Variants in YTHDC2 observed in about 807,000 individuals in gnomAD.
YTHDC2 encodes the protein YTH N6-methyladenosine RNA binding protein C2.
YTHDC2 carries 45 observed loss-of-function variants against 174.9 expected under a neutral mutation model. The ratio of observed to expected loss-of-function variants is 0.26; its 90% confidence interval spans 0.20 to 0.33. The LOEUF (loss-of-function observed/expected upper bound fraction) is 0.33. YTHDC2 is among the 10% of genes least tolerant of loss of function. YTHDC2 has a pLI of 1.00. For synonymous variants in YTHDC2, 657 were observed against 574.5 expected (o/e 1.14, Z -2.05); for missense variants, 1,650 against 1,723.7 (o/e 0.96, Z 0.76).
intron 2 of YTHDC2, chr5:113,517,633 C>A (rs1363277760): frequency 2.2e-6 from 1 of 456,008 alleles, no homozygotes; most frequent in Non-Finnish European, 4.4e-6. Context: ...TTATCCAGTC[C>A]CTAATACCTA....
chr5:113,520,878 G>A (rs1773817330), intron 2 of YTHDC2, among the ~76,000 whole-genome samples: 1 of 152,150 alleles, frequency 6.6e-6, no homozygotes, highest in Non-Finnish European at 1.5e-5. Flanking sequence ...ATTAATCCTA[G>A]TACCCATTAT....
intron 10 of YTHDC2, among the ~76,000 whole-genome samples, chr5:113,547,899 C>G (rs1180690122): frequency 6.6e-6 from 1 of 151,996 alleles, no homozygotes; most frequent in Admixed American, 6.6e-5. Flanking sequence ...GTAATTTAAG[C>G]AAATTAATGC....
At chr5:113,539,670 A>G (rs1775314495) in intron 8 of YTHDC2, among the ~76,000 whole-genome samples, 1 of 152,160 alleles carries the variant, frequency 6.6e-6, no homozygotes, top group Admixed American at 6.5e-5. Flanking sequence ...TCAGCTTTTG[A>G]ATTAGGGTTC....
chr5:113,579,861 G>T lies in YTHDC2; in HGVS notation c.3354+166G>T, dbSNP rs117824167. ...CTCATTCATTCTCTTCTGTATTGGG[G>T]TTTATTCCAACAGAGGACTTGGAAA... On this transcript the variant is annotated intron_variant, in intron 24 of 29. Transcript: ENST00000161863. The T allele has an allele frequency of 2.0e-3, 2,010 of 985,302 alleles. 10 individuals are homozygous for T. Among genetic ancestry groups the T allele is most frequent in the Middle Eastern group, 0.018 (34 of 1,914 alleles). 61.0% of individuals were successfully genotyped at this position (985,302 alleles called of 1,614,324 possible).
rs1431925363 is a variant in YTHDC2, at chr5:113,593,692, A to G, written c.*218A>G. 3 of 185,546 alleles carry G rather than the reference A, an allele frequency of 1.6e-5. No homozygotes were observed. Among genetic ancestry groups the G allele is most frequent in the Non-Finnish European group, 3.3e-5 (3 of 90,156 alleles). The allele number at this position is 185,546 out of a possible 1,614,324, so 11.5% of individuals were successfully genotyped here. On this transcript the variant is annotated 3_prime_UTR_variant, in exon 30 of 30. Transcript: ENST00000161863. ...GATTATATGATGTTTGTAATGAATAAAATAGTAGTTTCATTATTTGGCACA... is the reference window on the plus strand; with the variant it reads ...GATTATATGATGTTTGTAATGAATAGAATAGTAGTTTCATTATTTGGCACA...
intron 2 of YTHDC2, 58 bp from the exon 3 acceptor site, chr5:113,524,923 A>G (rs1774114026): frequency 4.6e-6 from 6 of 1,292,570 alleles, no homozygotes; most frequent in Non-Finnish European, 5.3e-6. Flanking sequence ...GTGGGCATAC[A>G]TCATATGTGA....
chr5:113,533,441 C>T (rs972333910), intron 5 of YTHDC2, among the ~76,000 whole-genome samples: 6 of 151,174 alleles, frequency 4.0e-5, no homozygotes, highest in African/African-American at 9.7e-5. Context: ...CCCAGCTACT[C>T]GGGAGGCTGA....
chr5:113,572,576 C>T (rs1777798882), intron 23 of YTHDC2, among the ~76,000 whole-genome samples: 1 of 152,176 alleles, frequency 6.6e-6, no homozygotes, highest in Admixed American at 6.5e-5. Flanking sequence ...GTTAAAGTCT[C>T]CCACTATTAT....
intron 2 of YTHDC2, among the ~76,000 whole-genome samples, chr5:113,523,701 A>T (rs1774028827): frequency 1.3e-5 from 2 of 152,086 alleles, no homozygotes; most frequent in Non-Finnish European, 2.9e-5. Context: ...GAAATCAAAA[A>T]CCTTGATAAA....
At position 113,593,243 on chromosome 5, in the gene YTHDC2, G is replaced by C. The variant is rs1779098710; in HGVS notation, c.4213-60G>C. The C allele has an allele frequency of 5.5e-6, 7 of 1,283,724 alleles. 1 individual carries two copies. In the Middle Eastern group the frequency reaches 5.6e-4, roughly 103 times the overall value. The allele number at this position is 1,283,724 out of a possible 1,614,324, so 79.5% of individuals were successfully genotyped here. ...TACATTTTTATCAGTGTAGGTTTTG[G>C]TCATTAAAAATTTTCACTCCAGTTC... On this transcript the variant is annotated intron_variant, in intron 28 of 29. Transcript: ENST00000161863.
chr5:113,520,664 C>T (rs967264112), intron 2 of YTHDC2, among the ~76,000 whole-genome samples: 55 of 152,068 alleles, frequency 3.6e-4, no homozygotes, highest in Non-Finnish European at 8.8e-5. Flanking sequence ...ACTTTTTGTT[C>T]ACAGAAGTGA....
At chr5:113,555,111 G>A (rs1468267459) in intron 16 of YTHDC2, among the ~76,000 whole-genome samples, 1 of 151,770 alleles carries the variant, frequency 6.6e-6, no homozygotes, top group African/African-American at 2.4e-5. Context: ...TCTTAATGGT[G>A]AGCCAATGAA....
chr5:113,557,815 A>G (rs1776715367), intron 17 of YTHDC2, among the ~76,000 whole-genome samples: 1 of 152,176 alleles, frequency 6.6e-6, no homozygotes, highest in Non-Finnish European at 1.5e-5. Flanking sequence ...AAATAAAATA[A>G]CAAATAGTAT....
chr5:113,517,630 G>T (rs1407571240), intron 2 of YTHDC2: 1 of 456,248 alleles, frequency 2.2e-6, no homozygotes, highest in African/African-American at 2.0e-5. Flanking sequence ...TATTTATCCA[G>T]TCCCTAATAC....
At chr5:113,535,396 T>TGG (rs1413625739) in intron 6 of YTHDC2, among the ~76,000 whole-genome samples, 1 of 152,132 alleles carries the variant, frequency 6.6e-6, no homozygotes, top group Non-Finnish European at 1.5e-5. Flanking sequence ...AATTTTGGCA[T>TGG]GGGGGAAGGC....
intron 2 of YTHDC2, among the ~76,000 whole-genome samples, chr5:113,520,097 A>G (rs1460382591): frequency 6.6e-6 from 1 of 151,730 alleles, no homozygotes; most frequent in Non-Finnish European, 1.5e-5. Flanking sequence ...TTCCCCCGCT[A>G]TGTCCATGTG....
At chr5:113,578,582 C>A (rs1778209629) in intron 23 of YTHDC2, among the ~76,000 whole-genome samples, 1 of 152,080 alleles carries the variant, frequency 6.6e-6, no homozygotes, top group Admixed American at 6.6e-5. Context: ...ATTTTTCTAA[C>A]ATTTTATTTA....
chr5:113,567,264 T>C lies in YTHDC2; in HGVS notation c.3015T>C (p.Pro1005=). 1 of 1,613,036 alleles carries C rather than the reference T, an allele frequency of 6.2e-7. No individual in the cohort carries two copies. The highest frequency in any genetic ancestry group is 8.5e-7 in the Non-Finnish European group (1 of 1,179,694). The change falls in exon 22 of 30, where the codon CCT becomes CCC. Residue 1005 remains proline (P), a synonymous_variant. Transcript: ENST00000161863. ...AGGAGAAAAAAGTACGATTTCATCC[T>C]GCTTCAGTTCTCAGTCAGCCTCAAT... is the stretch of plus-strand genomic sequence containing the variant. ...GPKEKKVRFH[P]ASVLSQPQYK...
chr5:113,581,978 T>C, intron 25 of YTHDC2: 1 of 244,924 alleles, frequency 4.1e-6, no homozygotes. Context: ...ATATCTAATT[T>C]CTAGAATTGG....
Sources: allele counts gnomAD v4.1 joint callset (sites outside exome capture counted in the v4.1 genomes callset), GRCh38; gene constraint gnomAD v4.1.1; transcripts MANE v1.5; gene names NCBI Gene and HGNC (gene_info 2026-07-23, HGNC 2026-07-21).